Variants in FKBP1A observed in about 807,000 individuals in gnomAD.
The protein encoded by FKBP1A is peptidyl-prolyl cis-trans isomerase FKBP1A.
Under a neutral mutation model 14.2 loss-of-function variants are expected in FKBP1A, and 5 were observed. The ratio of observed to expected loss-of-function variants is 0.35; its 90% CI spans 0.18 to 0.74. FKBP1A has a LOEUF of 0.74. Ranked by LOEUF, FKBP1A falls within the 30% of genes least tolerant of loss-of-function variation. The pLI is 0.56. For synonymous variants in FKBP1A, 42 were observed against 49.1 expected (o/e 0.86, Z 0.60); for missense variants, 53 against 138.8 (o/e 0.38, Z 3.10).
At chr20:1,390,348 G>A (rs2089719138) in intron 2 of FKBP1A, among the ~76,000 whole-genome samples, 1 of 143,522 alleles carries the variant, frequency 7.0e-6, no homozygotes, top group Non-Finnish European at 1.5e-5. Context: ...GCTGGCCATG[G>A]GGAGGGGGGA....
chr20:1,370,172 C>T (rs1330546391), intron 4 of FKBP1A, 100 bp from the exon 5 acceptor site: 1 of 1,498,910 alleles, frequency 6.7e-7, no homozygotes, highest in Non-Finnish European at 8.9e-7. Flanking sequence ...ATCCCTTCCC[C>T]AACAGCTGAG....
chr20:1,377,527 A>T (rs2089562443), intron 2 of FKBP1A: 1 of 152,196 alleles, frequency 6.6e-6, no homozygotes, highest in Non-Finnish European at 1.5e-5. Flanking sequence ...GAAAGAAATG[A>T]CTAATGGCAG....
intron 3 of FKBP1A, 52 bp downstream of exon 3, chr20:1,375,439 A>T: frequency 1.5e-6 from 2 of 1,350,070 alleles, no homozygotes; most frequent in Admixed American, 1.8e-5. Flanking sequence ...CCTATAAAAA[A>T]ATATAAAAGG....
At chr20:1,372,860 G>A (rs1025715336) in intron 3 of FKBP1A, among the ~76,000 whole-genome samples, 3 of 152,234 alleles carry the variant, frequency 2.0e-5, no homozygotes, top group African/African-American at 7.2e-5. Context: ...GACATTTGCT[G>A]TGAGGAGAAC....
intron 2 of FKBP1A, chr20:1,378,714 TAAAG>T (rs2089581739): frequency 6.6e-6 from 1 of 152,158 alleles, no homozygotes; most frequent in African/African-American, 2.4e-5. Flanking sequence ...CTTACAAAAA[TAAAG>T]AAGTCTGCTT....
At chr20:1,370,654 T>C (rs893909905) in intron 4 of FKBP1A, 3 of 985,446 alleles carry the variant, frequency 3.0e-6, no homozygotes, top group Admixed American at 6.1e-5. Flanking sequence ...TTCCAGACTC[T>C]TGCAAGAAGC....
intron 4 of FKBP1A, chr20:1,371,643 A>G (rs1165502428): frequency 1.2e-5 from 10 of 848,920 alleles, no homozygotes; most frequent in Non-Finnish European, 1.4e-5. Context: ...CGCAGAAGCT[A>G]GGACATGATA....
chr20:1,371,200 CAG>C (rs2089459666), intron 4 of FKBP1A: 2 of 985,304 alleles, frequency 2.0e-6, no homozygotes, highest in African/African-American at 3.5e-5. Context: ...GGAAGGAAGC[CAG>C]TAGCATTCAT....
In FKBP1A at chr20:1,392,850, G is replaced by A; in HGVS notation, c.69C>T (p.Cys23=). 2 of 1,535,384 alleles carry A rather than the reference G, an allele frequency of 1.3e-6. No homozygotes were observed. Among genetic ancestry groups the A allele is most frequent in the Non-Finnish European group, 8.8e-7 (1 of 1,141,004 alleles). Residue 23 remains cysteine (C), a synonymous_variant, in exon 2 of 5, where the codon TGC becomes TGT. Transcript: ENST00000400137. ...GRTFPKRGQT[C]VVHYTGMLED... is the part of the protein sequence containing the mutation. ...CCGACTCACCGGTGTAGTGCACCACGCAGGTCTGGCCGCGCTTGGGGAAGG... is the reference window on the plus strand; with the variant it reads ...CCGACTCACCGGTGTAGTGCACCACACAGGTCTGGCCGCGCTTGGGGAAGG...
chr20:1,370,951 A>G, intron 4 of FKBP1A: 1 of 985,492 alleles, frequency 1.0e-6, no homozygotes, highest in African/African-American at 1.7e-5. Flanking sequence ...CCAGTTATCA[A>G]ACTTAACCAG....
rs1305083822 is a variant in FKBP1A, at chr20:1,379,711, T to C, written c.86-4108A>G. ...GCAGGGTTGGGTGGTGGCAGTGATG[T>C]TGGGGTTCCTTGAGTCCAAGGAGAG... On this transcript the variant is annotated intron_variant, in intron 2 of 4. Transcript: ENST00000400137. The surrounding 1 kb of genome is among the most constrained non-coding windows in gnomAD (Gnocchi z 4.3). Among the ~76,000 whole-genome samples the C allele has an allele frequency of 1.3e-5, 2 of 152,138 alleles. No individual in the cohort carries two copies. Among genetic ancestry groups the C allele is most frequent in the Non-Finnish European group, 1.5e-5 (1 of 68,034 alleles).
chr20:1,376,002 A>C (rs2089537369), intron 2 of FKBP1A, among the ~76,000 whole-genome samples: 1 of 152,168 alleles, frequency 6.6e-6, no homozygotes, highest in African/African-American at 2.4e-5. Context: ...ACAGTGCAAG[A>C]AGCAATATTC....
Position 1,375,568 on chromosome 20 carries a change from G to T in FKBP1A, c.121C>A (p.Arg41=), listed in dbSNP as rs760096309. 1 of 1,613,786 alleles carries T rather than the reference G, an allele frequency of 6.2e-7. No individual in the cohort carries two copies. Among genetic ancestry groups the T allele is most frequent in the African/African-American group, 1.3e-5 (1 of 74,864 alleles). ...LEDGKKFDSS[R]DRNKPFKFML... ...AACTTAAAGGGCTTGTTTCTGTCCC[G>T]GGAGGAATCAAATTTCTTTCCATCT... The change falls in exon 3 of 5, where the codon CGG becomes AGG. Residue 41 remains arginine, a synonymous_variant. Transcript: ENST00000400137.
intron 2 of FKBP1A, among the ~76,000 whole-genome samples, chr20:1,388,908 G>A (rs1270636417): frequency 1.3e-5 from 2 of 152,208 alleles, no homozygotes; most frequent in South Asian, 2.1e-4. Context: ...CTAACGCACC[G>A]GTCTTCTTAC....
At chr20:1,373,290 A>G (rs1483674118) in intron 3 of FKBP1A, 1 of 152,244 alleles carries the variant, frequency 6.6e-6, no homozygotes, top group Non-Finnish European at 1.5e-5. Context: ...GAGTGGTTTC[A>G]TAGGCATATC....
At chr20:1,387,437 G>A (rs2089679183) in intron 2 of FKBP1A, among the ~76,000 whole-genome samples, 1 of 152,116 alleles carries the variant, frequency 6.6e-6, no homozygotes, top group South Asian at 2.1e-4. Flanking sequence ...TTAAGGCCCT[G>A]ACAAAAAATT....
chr20:1,388,076 G>T (rs1009730215), intron 2 of FKBP1A, among the ~76,000 whole-genome samples: 38 of 152,192 alleles, frequency 2.5e-4, no homozygotes, highest in African/African-American at 9.2e-4. Flanking sequence ...ACTGCTAAAT[G>T]CAAAGGGAAA....
chr20:1,380,330 G>A (rs1323121545), intron 2 of FKBP1A, among the ~76,000 whole-genome samples: 7 of 152,020 alleles, frequency 4.6e-5, no homozygotes. Flanking sequence ...AGATCTGCAG[G>A]GTCCTCTTTG....
At chr20:1,389,759 C>G (rs2089711422) in intron 2 of FKBP1A, among the ~76,000 whole-genome samples, 1 of 152,204 alleles carries the variant, frequency 6.6e-6, no homozygotes, top group South Asian at 2.1e-4. Flanking sequence ...TAAAAGAGGT[C>G]TAAACCTAGC....
Sources: allele counts gnomAD v4.1 joint callset (sites outside exome capture counted in the v4.1 genomes callset), GRCh38; gene constraint gnomAD v4.1.1; non-coding constraint Gnocchi (gnomAD v3.1); transcripts MANE v1.5; gene names NCBI Gene and HGNC (gene_info 2026-07-23, HGNC 2026-07-21).